The following MCF2L variants were observed in gnomAD, a reference collection of about 807,000 sequenced individuals.
MCF2L encodes the protein MCF.2 cell line derived transforming sequence like, also known as guanine nucleotide exchange factor DBS.
A neutral mutation model predicts 153.4 loss-of-function variants in MCF2L; 97 were observed. That is an observed-to-expected ratio of 0.63 (90% CI 0.54 to 0.75). MCF2L has a LOEUF of 0.75. Among genes scored for constraint, MCF2L ranks in the 30% least tolerant of loss-of-function variants. MCF2L has a pLI of 0.00. For missense variants in MCF2L, 1,347 were observed against 1,495.2 expected, an observed-to-expected ratio of 0.90 and a Z score of 1.64; for synonymous variants, 659 against 632.2, an observed-to-expected ratio of 1.04 and a Z score of -0.64.
At chr13:112,895,052 C>A (rs2140478870) in intron 1 of MCF2L, among the ~76,000 whole-genome samples, 1 of 152,318 alleles carries the variant, frequency 6.6e-6, no homozygotes. Context: ...AAACAGACAG[C>A]GGGAAGGCCG....
intron 23 of MCF2L, 58 bp from the exon 24 acceptor site, chr13:113,088,269 A>T: frequency 5.1e-6 from 7 of 1,380,470 alleles, no homozygotes; most frequent in Non-Finnish European, 7.2e-6. Context: ...GTGAAACCAA[A>T]GCGTGTTTCC....
At chr13:113,089,142 G>A (rs1210563139) in intron 25 of MCF2L, among the ~76,000 whole-genome samples, 3 of 150,034 alleles carry the variant, frequency 2.0e-5, no homozygotes, top group South Asian at 4.2e-4. Context: ...CCGTAGAACA[G>A]TAGTTTTAAA....
At chr13:113,091,287 G>C in intron 26 of MCF2L, 1 of 1,122,246 alleles carries the variant, frequency 8.9e-7, no homozygotes, top group Non-Finnish European at 1.2e-6. Context: ...GCCACCTAAG[G>C]GGGATGCTCT....
At chr13:113,094,828 G>C (rs965144848) in intron 27 of MCF2L, 193 bp downstream of exon 27, 1 of 1,077,902 alleles carries the variant, frequency 9.3e-7, no homozygotes, top group Non-Finnish European at 1.4e-6. Context: ...GGTCCACCCA[G>C]ACCTGGGTCT....
chr13:113,086,060 T>A (rs2034609067), intron 20 of MCF2L, 64 bp from the exon 21 acceptor site: 1 of 1,535,226 alleles, frequency 6.5e-7, no homozygotes, highest in South Asian at 1.3e-5. Flanking sequence ...TCCTGAGGGG[T>A]CTGTTCCAGG....
intron 23 of MCF2L, among the ~76,000 whole-genome samples, chr13:113,088,076 G>A (rs1488147634): frequency 6.6e-6 from 1 of 152,212 alleles, no homozygotes; most frequent in Admixed American, 6.5e-5. Flanking sequence ...TGGCACGCAG[G>A]GCCGATTCTC....
chr13:113,082,633 AG>A, intron 17 of MCF2L, 91 bp downstream of exon 17: 2 of 977,578 alleles, frequency 2.0e-6, no homozygotes, highest in Non-Finnish European at 3.2e-6. Flanking sequence ...GGTGGAGGCC[AG>A]GCCATGCCTG....
At chr13:112,973,208 G>A (rs142270027) in intron 1 of MCF2L, among the ~76,000 whole-genome samples, 4 of 152,224 alleles carry the variant, frequency 2.6e-5, no homozygotes, top group Non-Finnish European at 4.4e-5. Context: ...CTCTGCCTTC[G>A]GCCTCAGTGA....
At chr13:112,961,871 G>A (rs998639699) in intron 2 of MCF2L, among the ~76,000 whole-genome samples, 1 of 152,140 alleles carries the variant, frequency 6.6e-6, no homozygotes, top group African/African-American at 2.4e-5. Context: ...CTGTGACCAC[G>A]AGAGGCCACT....
chr13:112,974,333 C>T (rs1409611265), intron 1 of MCF2L, among the ~76,000 whole-genome samples: 1 of 152,058 alleles, frequency 6.6e-6, no homozygotes. Context: ...GGGCCCCCGG[C>T]GTGGCCAACC....
intron 2 of MCF2L, among the ~76,000 whole-genome samples, chr13:112,953,509 C>T (rs1260953335): frequency 2.0e-5 from 3 of 152,182 alleles, no homozygotes; most frequent in East Asian, 1.9e-4. Context: ...GTTGGGAGCT[C>T]GAAGACCACA....
chr13:112,944,439 C>T (rs999731941), intron 2 of MCF2L, among the ~76,000 whole-genome samples: 1 of 152,082 alleles, frequency 6.6e-6, no homozygotes, highest in Non-Finnish European at 1.5e-5. Context: ...CTGGGTCTCT[C>T]TGTGGAGTTG....
In MCF2L at chr13:113,064,045, G is replaced by A. The variant is rs1238758447; in HGVS notation, c.490-259G>A. 6.6e-6 allele frequency among the ~76,000 whole-genome samples: 1 copy of A among 152,148 alleles called. No individual in the cohort carries two copies. The highest frequency in any genetic ancestry group is 1.5e-5 in the Non-Finnish European group (1 of 68,040). On this transcript the variant is annotated intron_variant, in intron 5 of 29. Coordinates refer to ENST00000535094, the MANE Select transcript of MCF2L (RefSeq NM_001112732.3). This position sits in a 1 kb window ranked among gnomAD's most constrained non-coding sequence, Gnocchi z 6.0. ...CAGTGCCTGCCAAATAGCAGGGAAG[G>A]AGGGCGCACGGAGTTATCTCCATCA...
intron 27 of MCF2L, 65 bp from the exon 28 acceptor site, chr13:113,096,306 C>A: frequency 1.6e-6 from 2 of 1,288,010 alleles, no homozygotes; most frequent in Non-Finnish European, 2.2e-6. Flanking sequence ...CTCCGCCTGG[C>A]TGCTGTGGGG....
At chr13:113,057,618 G>A (rs71446674) in intron 4 of MCF2L, among the ~76,000 whole-genome samples, 53 of 132,022 alleles carry the variant, frequency 4.0e-4, no homozygotes, top group Non-Finnish European at 7.3e-4. Flanking sequence ...TGAGTGCTGT[G>A]TGTTTGGGTG....
rs538009722 is a variant in MCF2L at position 112,914,591 on chromosome 13, C to T, written c.169+12220C>T. 7.9e-5 allele frequency among the ~76,000 whole-genome samples: 12 copies of T among 152,362 alleles called. No individual in the cohort carries two copies. The East Asian group carries it at 2.3e-3, about 29-fold the overall frequency. The stretch of plus-strand genomic sequence containing the variant: ...GTGAGCCACGTGATCATGGGAGCGG[C>T]TCCCTGCAGAGGTGTCTGATGGGAG... On this transcript the variant is annotated intron_variant, in intron 2 of 29. Transcript: ENST00000375608.
intron 1 of MCF2L, among the ~76,000 whole-genome samples, chr13:112,970,398 G>T (rs879471804): frequency 2.6e-5 from 4 of 152,156 alleles, no homozygotes; most frequent in African/African-American, 9.7e-5. Flanking sequence ...CGTATGGGAT[G>T]GTCTAATCAA....
chr13:112,904,100 C>A lies in MCF2L; in HGVS notation c.169+1729C>A, dbSNP rs1276013687. Among the ~76,000 whole-genome samples the A allele has an allele frequency of 6.6e-6, 1 of 151,722 alleles. No homozygotes were observed. Among genetic ancestry groups the A allele is most frequent in the Non-Finnish European group, 1.5e-5 (1 of 67,996 alleles). ...CTGAGCGCCCAAGTCTCGCGTGGACCAGCTCTGGGGACTGAGGAGCTGGCC... is the reference window on the plus strand; with the variant it reads ...CTGAGCGCCCAAGTCTCGCGTGGACAAGCTCTGGGGACTGAGGAGCTGGCC... On this transcript the variant is annotated intron_variant, in intron 2 of 29. Transcript: ENST00000375608. The surrounding 1 kb of genome is among the most constrained non-coding windows in gnomAD (Gnocchi z 4.2).
Position 112,907,954 on chromosome 13 carries a change from G to T in MCF2L, c.169+5583G>T, listed in dbSNP as rs917861797. Among the ~76,000 whole-genome samples the T allele has an allele frequency of 6.6e-6, 1 of 152,208 alleles. No homozygotes were observed. The highest frequency in any genetic ancestry group is 2.4e-5 in the African/African-American group (1 of 41,454). On this transcript the variant is annotated intron_variant, in intron 2 of 29. Coordinates refer to the MCF2L transcript ENST00000375608. The surrounding 1 kb of genome is among the most constrained non-coding windows in gnomAD (Gnocchi z 5.1). ...GTTGTTTGTGGAAATGGTACTTGCA[G>T]TGTGGCTGTCAATGATTAACTTCTT...
Sources: allele counts gnomAD v4.1 joint callset (sites outside exome capture counted in the v4.1 genomes callset), GRCh38; gene constraint gnomAD v4.1.1; non-coding constraint Gnocchi (gnomAD v3.1); transcripts MANE v1.5; gene names NCBI Gene and HGNC (gene_info 2026-07-23, HGNC 2026-07-21).